SOX6: variants seen among roughly 807,000 people sequenced by gnomAD.
SOX6 encodes the protein transcription factor SOX-6.
Under a neutral mutation model 97.8 loss-of-function variants are expected in SOX6, and 11 were observed. That is an observed-to-expected ratio of 0.11 (90% confidence interval 0.07 to 0.19). The LOEUF is 0.19. Among genes scored for constraint, SOX6 ranks in the 10% least tolerant of loss-of-function variants. The pLI, the probability that SOX6 is intolerant of heterozygous loss-of-function variation, is 1.00. For missense variants in SOX6, 810 were observed against 1,039.5 expected (o/e 0.78, Z 3.04); for synonymous variants, 360 against 371.4 (o/e 0.97, Z 0.35).
At chr11:16,266,899 A>T (rs1236842553) in intron 3 of SOX6, among the ~76,000 whole-genome samples, 1 of 151,628 alleles carries the variant, frequency 6.6e-6, no homozygotes, top group Non-Finnish European at 1.5e-5. Flanking sequence ...AGACTTAAAT[A>T]CAACCATATC....
At chr11:16,314,350 A>G (rs1357238495) in intron 3 of SOX6, 1 of 151,948 alleles carries the variant, frequency 6.6e-6, no homozygotes, top group African/African-American at 2.4e-5. Flanking sequence ...ACTAAGACCC[A>G]TTTCCCTACA....
chr11:16,636,898 C>G (rs1403530993), intron 3 of SOX6, among the ~76,000 whole-genome samples: 1 of 152,138 alleles, frequency 6.6e-6, no homozygotes, highest in African/African-American at 2.4e-5. Context: ...TGAGGCCTAC[C>G]CAGCTCCACA....
chr11:16,507,009 A>T (rs1430773838), intron 4 of SOX6, among the ~76,000 whole-genome samples: 3 of 152,168 alleles, frequency 2.0e-5, no homozygotes, highest in Non-Finnish European at 4.4e-5. Context: ...GGTTGCAATG[A>T]GCCAAGATCA....
chr11:16,432,571 T>A (rs1859292169), intron 1 of SOX6, among the ~76,000 whole-genome samples: 1 of 152,118 alleles, frequency 6.6e-6, no homozygotes, highest in African/African-American at 2.4e-5. Flanking sequence ...TTTGTCTTAT[T>A]TTTTTAAGTC....
At chr11:16,414,001 G>A (rs950253868) in intron 1 of SOX6, among the ~76,000 whole-genome samples, 1 of 152,112 alleles carries the variant, frequency 6.6e-6, no homozygotes, top group African/African-American at 2.4e-5. Context: ...AGGAAAGAAT[G>A]GCTGAGGTAC....
intron 13 of SOX6, among the ~76,000 whole-genome samples, chr11:15,997,561 G>A (rs1854263387): frequency 1.3e-5 from 2 of 152,128 alleles, no homozygotes; most frequent in Admixed American, 1.3e-4. Context: ...TACATTAACA[G>A]AACAAAGGGA....
At chr11:16,418,535 T>C (rs1858968201) in intron 1 of SOX6, among the ~76,000 whole-genome samples, 2 of 152,016 alleles carry the variant, frequency 1.3e-5, no homozygotes, top group Non-Finnish European at 2.9e-5. Flanking sequence ...ATAAGAGAAA[T>C]GGGAAGAAGT....
At chr11:16,205,240 C>T (rs1325258609) in intron 4 of SOX6, among the ~76,000 whole-genome samples, 3 of 152,026 alleles carry the variant, frequency 2.0e-5, no homozygotes, top group Non-Finnish European at 2.9e-5. Context: ...AGGAGATTAA[C>T]CATAGTTTAA....
intron 12 of SOX6, among the ~76,000 whole-genome samples, chr11:16,038,989 G>A (rs1269604871): frequency 6.6e-6 from 1 of 152,100 alleles, no homozygotes; most frequent in Non-Finnish European, 1.5e-5. Context: ...TTTTGTTTAT[G>A]TTGTAGAAAT....
chr11:16,678,200 G>C (rs1007756374), intron 3 of SOX6, among the ~76,000 whole-genome samples: 1 of 151,872 alleles, frequency 6.6e-6, no homozygotes, highest in Non-Finnish European at 1.5e-5. Flanking sequence ...TTTGGGTTTA[G>C]TTTGCTTGTC....
At chr11:16,686,719 A>G (rs928391949) in intron 3 of SOX6, among the ~76,000 whole-genome samples, 1 of 152,194 alleles carries the variant, frequency 6.6e-6, no homozygotes, top group Non-Finnish European at 1.5e-5. Context: ...CAAATTCCAG[A>G]GTTGCTTCCA....
intron 1 of SOX6, among the ~76,000 whole-genome samples, chr11:16,390,784 C>T (rs1590180398): frequency 2.6e-5 from 4 of 152,234 alleles, no homozygotes; most frequent in East Asian, 1.9e-4. Context: ...GAAAATGTGG[C>T]GATGCCTCAA....
At chr11:16,641,028 C>A (rs1345586900) in intron 3 of SOX6, among the ~76,000 whole-genome samples, 2 of 152,168 alleles carry the variant, frequency 1.3e-5, no homozygotes, top group African/African-American at 4.8e-5. Context: ...ATCTTTCCTG[C>A]TTTCTCTTGT....
chr11:16,039,507 A>G (rs144066553), intron 12 of SOX6, among the ~76,000 whole-genome samples: 6 of 152,190 alleles, frequency 3.9e-5, no homozygotes, highest in African/African-American at 1.4e-4. Flanking sequence ...AACTATTTCC[A>G]TAATAACTCT....
At position 16,556,243 on chromosome 11, in the gene SOX6, G is replaced by A. The variant is rs557758393; in HGVS notation, n.609+55838C>T. On this transcript the variant is annotated intron_variant and non_coding_transcript_variant, in intron 4 of 5. Coordinates refer to the SOX6 transcript ENST00000524520. ...CTACAAATGAGAAATAAAGCAAATC[G>A]AAAGTGCTGATATTCTACATCCCCA... Among the ~76,000 whole-genome samples, 54 of 151,714 alleles carry A rather than the reference G, an allele frequency of 3.6e-4. 1 individual carries two copies. The highest frequency in any genetic ancestry group is 3.4e-3 in the Middle Eastern group (1 of 294).
rs569547246 is a variant in SOX6, at chr11:16,502,011, A to G, written n.610-25623T>C. ...CATGCTGCTATAAAGACACATGCAC[A>G]CGTATGTTTATTGCGGCACTATTCA... is the stretch of plus-strand genomic sequence containing the variant. On this transcript the variant is annotated intron_variant and non_coding_transcript_variant, in intron 4 of 5. Coordinates refer to the SOX6 transcript ENST00000524520. Among the ~76,000 whole-genome samples, 1,209 of 152,320 alleles carry G rather than the reference A, an allele frequency of 7.9e-3. 17 individuals are homozygous for G. The highest frequency in any genetic ancestry group is 0.028 in the African/African-American group (1,157 of 41,564).
At chr11:16,530,474 G>T (rs1349729685) in intron 4 of SOX6, among the ~76,000 whole-genome samples, 2 of 151,996 alleles carry the variant, frequency 1.3e-5, no homozygotes, top group East Asian at 1.9e-4. Context: ...ACACCTAAAA[G>T]CTCAAGCCAC....
intron 6 of SOX6, among the ~76,000 whole-genome samples, chr11:16,147,799 T>C (rs1269364828): frequency 1.3e-5 from 2 of 152,190 alleles, no homozygotes; most frequent in Admixed American, 6.5e-5. Flanking sequence ...ACTCTGATGT[T>C]CCAGGTCAGA....
intron 4 of SOX6, among the ~76,000 whole-genome samples, chr11:16,222,506 A>G (rs1195999786): frequency 1.3e-5 from 2 of 152,118 alleles, no homozygotes; most frequent in Non-Finnish European, 2.9e-5. Flanking sequence ...GAGCCACTGC[A>G]GTTGGCCCTA....
Sources: gnomAD v4.1 joint callset for allele counts (sites outside exome capture counted in the v4.1 genomes callset) on GRCh38, gnomAD v4.1.1 for gene constraint, MANE v1.5 for transcripts, NCBI Gene and HGNC (gene_info 2026-07-23, HGNC 2026-07-21) for gene names.